The following SLC25A32 variants were observed in gnomAD, a reference collection of about 807,000 sequenced individuals.
SLC25A32 encodes the protein Glycine auxotroph B, complementation of hamster.
Under a neutral mutation model 39.0 loss-of-function variants are expected in SLC25A32, and 32 were observed. That is an observed-to-expected ratio of 0.82 (90% CI 0.62 to 1.10). SLC25A32 has a LOEUF of 1.10. SLC25A32 is among the 50% of genes least tolerant of loss of function. The pLI, the probability that SLC25A32 is intolerant of heterozygous loss-of-function variation, is 0.00. For missense variants in SLC25A32, 367 were observed against 395.3 expected, an observed-to-expected ratio of 0.93 and a Z score of 0.61; for synonymous variants, 166 against 152.4, an observed-to-expected ratio of 1.09 and a Z score of -0.66.
At position 103,414,834 on chromosome 8, in the gene SLC25A32, A is replaced by T; in HGVS notation, c.104T>A (p.Leu35Ter). 1 of 1,613,824 alleles carries T rather than the reference A, an allele frequency of 6.2e-7. No individual in the cohort carries two copies. Among genetic ancestry groups the T allele is most frequent in the Non-Finnish European group, 8.5e-7 (1 of 1,180,036 alleles). Residue 35 changes from leucine (L) to a stop codon, truncating the protein, a stop_gained, in exon 1 of 7, where the codon TTA becomes TAA. Transcript: ENST00000297578. LOFTEE classifies it high-confidence loss of function. The part of the protein sequence containing the change: ...NLIAGVSGGV[L>*]SNLALHPLDL... ...GAGCGGATGCAGCGCAAGGTTGGAT[A>T]AGACGCCGCCGCTCACGCCCGCTAT...
chr8:103,406,888 T>C (rs953794844), intron 2 of SLC25A32, among the ~76,000 whole-genome samples: 13 of 152,226 alleles, frequency 8.5e-5, no homozygotes, highest in African/African-American at 2.7e-4. Context: ...AATTTTCTAT[T>C]TGGGACACTC....
intron 1 of SLC25A32, 80 bp downstream of exon 1, chr8:103,414,704 C>A: frequency 6.3e-7 from 1 of 1,583,834 alleles, no homozygotes; most frequent in South Asian, 1.1e-5. Flanking sequence ...TCCTCCTCCC[C>A]CTAGAACGGA....
chr8:103,408,008 C>T (rs1293817803), intron 1 of SLC25A32, among the ~76,000 whole-genome samples: 3 of 147,868 alleles, frequency 2.0e-5, no homozygotes, highest in Non-Finnish European at 3.0e-5. Flanking sequence ...GTCAGAGTCC[C>T]GCTCTATTGC....
At chr8:103,413,688 G>GT (rs1000422463) in intron 1 of SLC25A32, among the ~76,000 whole-genome samples, 3 of 152,104 alleles carry the variant, frequency 2.0e-5, no homozygotes, top group Non-Finnish European at 4.4e-5. Context: ...TCTTTGTGGT[G>GT]TTTTTTCTAG....
At chr8:103,414,589 G>A (rs1341892374) in intron 1 of SLC25A32, 195 bp downstream of exon 1, 2 of 699,004 alleles carry the variant, frequency 2.9e-6, no homozygotes, top group African/African-American at 1.8e-5. Flanking sequence ...CCCTCTCTTA[G>A]TCTTGAGGAG....
rs941958180 is a variant in SLC25A32, at chr8:103,415,052, C to G, written c.-115G>C. On this transcript the variant is annotated 5_prime_UTR_variant, in exon 1 of 7. Transcript: ENST00000297578. The stretch of plus-strand genomic sequence containing the variant: ...GTGAGCGCAACCCCACCTCCGGGAC[C>G]AACGAGAGGACTCTTATGCCCAAGG... 2 of 1,598,110 alleles carry G rather than the reference C, an allele frequency of 1.3e-6. No individual in the cohort carries two copies. The highest frequency in any genetic ancestry group is 1.7e-6 in the Non-Finnish European group (2 of 1,172,822).
chr8:103,406,414 G>T (rs561902630), intron 2 of SLC25A32, among the ~76,000 whole-genome samples: 1 of 152,204 alleles, frequency 6.6e-6, no homozygotes, highest in African/African-American at 2.4e-5. Context: ...CCTTATTCAT[G>T]GTTTCAGTTT....
At position 103,400,486 on chromosome 8, in the gene SLC25A32, T is replaced by G. The variant is rs1181453761; in HGVS notation, c.873A>C (p.Pro291=). Residue 291 remains proline, a synonymous_variant, in exon 7 of 7, where the codon CCA becomes CCC. Coordinates refer to ENST00000297578, the MANE Select transcript of SLC25A32 (RefSeq NM_030780.5). ...ATACCACAAAGGTAATACAGCAGGC[T>G]GGAGTCACTCTAATCAAATTAGGAG... ...GIAPNLIRVT[P]ACCITFVVYE... 1 of 1,614,118 alleles carries G rather than the reference T, an allele frequency of 6.2e-7. No individual in the cohort carries two copies. The highest frequency in any genetic ancestry group is 8.5e-7 in the Non-Finnish European group (1 of 1,179,942).
intron 1 of SLC25A32, among the ~76,000 whole-genome samples, chr8:103,409,484 G>A (rs181839970): frequency 9.3e-5 from 14 of 151,162 alleles, no homozygotes; most frequent in Middle Eastern, 6.8e-3. Flanking sequence ...ACAACATTCC[G>A]TACAACAATC....
intron 3 of SLC25A32, 104 bp downstream of exon 3, chr8:103,404,672 G>C: frequency 1.5e-6 from 1 of 677,290 alleles, no homozygotes; most frequent in South Asian, 1.8e-5. Flanking sequence ...AATACAGTTA[G>C]ATGGGCATAT....
chr8:103,411,471 C>G (rs988217026), intron 1 of SLC25A32, among the ~76,000 whole-genome samples: 1 of 151,898 alleles, frequency 6.6e-6, no homozygotes, highest in Non-Finnish European at 1.5e-5. Context: ...CTGGTTTGAG[C>G]TTTACCAATT....
chr8:103,408,021 C>T (rs567675057), intron 1 of SLC25A32, among the ~76,000 whole-genome samples: 15 of 149,578 alleles, frequency 1.0e-4, no homozygotes, highest in Admixed American at 2.7e-4. Flanking sequence ...TCTATTGCCC[C>T]GGCTGGAGTG....
chr8:103,400,164 C>T lies in SLC25A32; in HGVS notation c.*247G>A, dbSNP rs562248584. 26 of 471,254 alleles carry T rather than the reference C, an allele frequency of 5.5e-5. No individual in the cohort carries two copies. Among genetic ancestry groups the T allele is most frequent in the African/African-American group, 4.0e-4 (20 of 50,350 alleles). The allele number at this position is 471,254 out of a possible 1,614,324, so 29.2% of individuals were successfully genotyped here. A position where few individuals can be genotyped will look rare whatever the true frequency, so the allele number is the denominator to read the frequency against. ...TAGAAATCTGTGAAACTCTATCCTT[C>T]GTGTCAGTTTTAACATTGTGTTGAT... On this transcript the variant is annotated 3_prime_UTR_variant, in exon 7 of 7. Coordinates refer to ENST00000297578, the MANE Select transcript of SLC25A32 (RefSeq NM_030780.5).
intron 2 of SLC25A32, among the ~76,000 whole-genome samples, chr8:103,405,160 C>T (rs548061614): frequency 1.3e-5 from 2 of 152,094 alleles, no homozygotes; most frequent in African/African-American, 4.8e-5. Flanking sequence ...TAGTGGTACA[C>T]AGACTGGCCA....
chr8:103,398,714 T>TAA lies in SLC25A32; in HGVS notation c.*1695_*1696dup, dbSNP rs1816155247. 1 of 152,220 alleles carries TAA rather than the reference T, an allele frequency of 6.6e-6. No homozygotes were observed. The highest frequency in any genetic ancestry group is 1.5e-5 in the Non-Finnish European group (1 of 68,042). 9.4% of individuals were successfully genotyped at this position (152,220 alleles called of 1,614,324 possible). ...CGGTATTTAAACAATGGTGCTATCT[T>TAA]AAACACCAAATATCAACTGCAGTTC... On this transcript the variant is annotated 3_prime_UTR_variant, in exon 7 of 7. Transcript: ENST00000297578.
In SLC25A32 at chr8:103,404,748, CA is replaced by C. The variant is rs1270728050; in HGVS notation, c.391+27del. On this transcript the variant is annotated intron_variant, in intron 3 of 6. Coordinates refer to ENST00000297578, the MANE Select transcript of SLC25A32 (RefSeq NM_030780.5). ...ACTGAAAATTAAGTTTGGAAGGTGA[CA>C]TTTTTATATTTCACACATTGCCTTA... The C allele has an allele frequency of 1.9e-6, 3 of 1,538,496 alleles. No homozygotes were observed. The South Asian group carries it at 3.5e-5, about 18-fold the overall frequency.
At chr8:103,414,701 C>A in intron 1 of SLC25A32, 83 bp downstream of exon 1, 1 of 1,571,690 alleles carries the variant, frequency 6.4e-7, no homozygotes, top group African/African-American at 1.3e-5. Context: ...CGCTCCTCCT[C>A]CCCCTAGAAC....
At chr8:103,401,758 TAAGGG>T (rs999850066) in intron 5 of SLC25A32, 97 bp from the exon 6 acceptor site, 1 of 1,142,584 alleles carries the variant, frequency 8.8e-7, no homozygotes, top group Non-Finnish European at 1.2e-6. Context: ...AATGGATCTT[TAAGGG>T]ATTCTATTTT....
At position 103,400,401 on chromosome 8, in the gene SLC25A32, C is replaced by G; in HGVS notation, c.*10G>C. On this transcript the variant is annotated 3_prime_UTR_variant, in exon 7 of 7. Transcript: ENST00000297578. ...CTTGGGCAGATATACTGGAATTGTC[C>G]TCTTTGAGCTTACTTTCTCTTTTCT... 1 of 1,613,966 alleles carries G rather than the reference C, an allele frequency of 6.2e-7. No individual in the cohort carries two copies. The highest frequency in any genetic ancestry group is 8.5e-7 in the Non-Finnish European group (1 of 1,179,966).
Sources: allele counts gnomAD v4.1 joint callset (sites outside exome capture counted in the v4.1 genomes callset), GRCh38; gene constraint gnomAD v4.1.1; transcripts MANE v1.5; gene names NCBI Gene and HGNC (gene_info 2026-07-23, HGNC 2026-07-21).